Variants in ARHGEF3 observed in about 807,000 individuals in gnomAD.
ARHGEF3 encodes Rho guanine nucleotide exchange factor 3.
ARHGEF3 carries 28 observed loss-of-function variants against 63.2 expected under a neutral mutation model. That is an observed-to-expected ratio of 0.44 (90% CI 0.33 to 0.61). ARHGEF3 has a LOEUF of 0.61. Ranked by LOEUF, ARHGEF3 falls within the 20% of genes least tolerant of loss-of-function variation. The pLI is 0.03. For missense variants in ARHGEF3, 533 were observed against 659.3 expected (o/e 0.81, Z 2.10); for synonymous variants, 266 against 254.2 (o/e 1.05, Z -0.44).
intron 2 of ARHGEF3, among the ~76,000 whole-genome samples, chr3:56,993,227 C>A (rs561817820): frequency 6.6e-6 from 1 of 152,318 alleles, no homozygotes; most frequent in South Asian, 2.1e-4. Context: ...CCTGATTTTG[C>A]CTGTCTAAAT....
At chr3:56,860,070 C>T (rs201394910) in intron 4 of ARHGEF3, among the ~76,000 whole-genome samples, 31 of 115,256 alleles carry the variant, frequency 2.7e-4, no homozygotes, top group East Asian at 2.3e-3. Context: ...ATAGATAGAT[C>T]GATAGATAGA....
chr3:57,054,630 C>T (rs1011621985), intron 1 of ARHGEF3, among the ~76,000 whole-genome samples: 1 of 149,068 alleles, frequency 6.7e-6, no homozygotes, highest in Non-Finnish European at 1.5e-5. Context: ...CAGAGTGAGA[C>T]CCCATCTCAA....
intron 2 of ARHGEF3, among the ~76,000 whole-genome samples, 171 bp from the exon 3 acceptor site, chr3:56,755,322 A>T (rs2035005184): frequency 2.6e-5 from 4 of 152,214 alleles, no homozygotes; most frequent in Admixed American, 2.6e-4. Context: ...GTGCTAAGGA[A>T]AATTGGACAG....
At chr3:56,951,176 T>TCA (rs1699792582) in intron 3 of ARHGEF3, among the ~76,000 whole-genome samples, 1 of 151,564 alleles carries the variant, frequency 6.6e-6, no homozygotes, top group African/African-American at 2.4e-5. Context: ...TATACCTATG[T>TCA]TAAATGACAA....
chr3:56,840,180 T>G (rs17235757), intron 4 of ARHGEF3, among the ~76,000 whole-genome samples: 15,980 of 152,242 alleles, frequency 0.1, 1,004 homozygotes, highest in Non-Finnish European at 0.13. Context: ...AAGCTTTCTC[T>G]GCTAGACTCA....
intron 3 of ARHGEF3, among the ~76,000 whole-genome samples, chr3:56,943,953 G>A (rs1205536261): frequency 1.3e-5 from 2 of 148,914 alleles, no homozygotes; most frequent in African/African-American, 4.9e-5. Flanking sequence ...GAGGCAGGTG[G>A]ATCACTTGAG....
At chr3:57,037,582 A>G (rs536080072) in intron 1 of ARHGEF3, among the ~76,000 whole-genome samples, 1 of 152,298 alleles carries the variant, frequency 6.6e-6, no homozygotes, top group South Asian at 2.1e-4. Flanking sequence ...CCAATAAACC[A>G]TCACCCTTTA....
chr3:56,773,870 A>G (rs2036146774), intron 1 of ARHGEF3, 54 bp from the exon 2 acceptor site: 4 of 1,399,730 alleles, frequency 2.9e-6, no homozygotes, highest in Non-Finnish European at 3.9e-6. Context: ...TGCAAAGACA[A>G]CATAACTCCA....
At chr3:56,883,482 A>C (rs992086661) in intron 3 of ARHGEF3, among the ~76,000 whole-genome samples, 3 of 152,006 alleles carry the variant, frequency 2.0e-5, no homozygotes, top group Non-Finnish European at 4.4e-5. Flanking sequence ...GTTTTTGTAG[A>C]GAGGGGGTCT....
At chr3:57,056,109 C>T (rs897571161) in intron 1 of ARHGEF3, among the ~76,000 whole-genome samples, 24 of 152,080 alleles carry the variant, frequency 1.6e-4, no homozygotes, top group African/African-American at 4.1e-4. Context: ...GAGCAGAGGC[C>T]GGGTGCGGTG....
intron 1 of ARHGEF3, among the ~76,000 whole-genome samples, chr3:57,050,980 A>G (rs1424951008): frequency 6.6e-6 from 1 of 152,226 alleles, no homozygotes; most frequent in East Asian, 1.9e-4. Flanking sequence ...ACAAGTCCAC[A>G]GTCCCTTTTC....
At chr3:56,847,550 A>G (rs1294159538) in intron 4 of ARHGEF3, among the ~76,000 whole-genome samples, 2 of 152,192 alleles carry the variant, frequency 1.3e-5, no homozygotes, top group Non-Finnish European at 2.9e-5. Flanking sequence ...AGAAGTCTTT[A>G]AGAGCATTTA....
At chr3:57,071,232 A>T (rs78498993) in intron 1 of ARHGEF3, among the ~76,000 whole-genome samples, 7,876 of 152,242 alleles carry the variant, frequency 0.052, 672 homozygotes, top group African/African-American at 0.18. Context: ...TTTTCAACAC[A>T]TGGTTCTGGG....
intron 2 of ARHGEF3, among the ~76,000 whole-genome samples, chr3:57,002,498 T>TATATATATATATATATATA (rs747886010): frequency 7.4e-5 from 1 of 13,494 alleles, no homozygotes; most frequent in African/African-American, 2.2e-4. Flanking sequence ...TATATATATG[T>TATATATATATATATATATA]TATATATATA....
chr3:56,790,382 T>G (rs1296970977), intron 1 of ARHGEF3, among the ~76,000 whole-genome samples: 1 of 152,180 alleles, frequency 6.6e-6, no homozygotes, highest in Non-Finnish European at 1.5e-5. Context: ...CATCTGTGGC[T>G]TACACACAAG....
At chr3:56,872,777 G>C (rs1296787781) in intron 4 of ARHGEF3, among the ~76,000 whole-genome samples, 2 of 152,040 alleles carry the variant, frequency 1.3e-5, no homozygotes, top group African/African-American at 4.8e-5. Flanking sequence ...TAACGTGTTG[G>C]GATTATAGGC....
Position 56,727,597 on chromosome 3 carries a change from G to C in ARHGEF3, c.*1673C>G, listed in dbSNP as rs2032816124. The C allele has an allele frequency of 6.6e-6, 1 of 152,602 alleles. No homozygotes were observed. The highest frequency in any genetic ancestry group is 6.6e-5 in the Admixed American group (1 of 15,266). 9.5% of individuals were successfully genotyped at this position (152,602 alleles called of 1,614,324 possible). ...AAAAGTGGCTGATGGCGCCTACAAA[G>C]AATCATTCATTCTTTTCTTCACCAA... On this transcript the variant is annotated 3_prime_UTR_variant, in exon 10 of 10. Transcript: ENST00000296315.
At chr3:56,751,816 C>T (rs1046228652) in intron 4 of ARHGEF3, among the ~76,000 whole-genome samples, 8 of 152,058 alleles carry the variant, frequency 5.3e-5, no homozygotes, top group Admixed American at 5.2e-4. Context: ...AGGAAAGAAA[C>T]AGTGATTGGT....
chr3:57,011,905 G>A (rs1478450874), intron 2 of ARHGEF3, among the ~76,000 whole-genome samples: 1 of 152,192 alleles, frequency 6.6e-6, no homozygotes, highest in Non-Finnish European at 1.5e-5. Context: ...GGAAGAAGGT[G>A]GTGGTGAGGA....
Sources: allele counts gnomAD v4.1 joint callset (sites outside exome capture counted in the v4.1 genomes callset), GRCh38; gene constraint gnomAD v4.1.1; transcripts MANE v1.5; gene names NCBI Gene and HGNC (gene_info 2026-07-23, HGNC 2026-07-21).